Variants in ZBTB46 observed in about 807,000 individuals in gnomAD.
The protein encoded by ZBTB46 is zinc finger and BTB domain-containing protein 46.
In ZBTB46, 8 loss-of-function variants were observed where a neutral mutation model predicts 44.1. The ratio of observed to expected loss-of-function variants is 0.18; its 90% CI spans 0.11 to 0.33. The LOEUF is 0.33. ZBTB46 is among the 10% of genes least tolerant of loss of function. The pLI, the probability that ZBTB46 is intolerant of heterozygous loss-of-function variation, is 1.00. For missense variants in ZBTB46, 651 were observed against 847.7 expected, an observed-to-expected ratio of 0.77 and a Z score of 2.88; for synonymous variants, 409 against 382.3, an observed-to-expected ratio of 1.07 and a Z score of -0.81.
chr20:63,785,563 T>TA (rs1045213194), intron 2 of ZBTB46, among the ~76,000 whole-genome samples: 12 of 151,982 alleles, frequency 7.9e-5, no homozygotes, highest in African/African-American at 2.4e-4. Context: ...GTCTCAAAAA[T>TA]AAAAAAAATT....
chr20:63,752,576 G>A lies in ZBTB46; in HGVS notation c.1398+110C>T. ...GCCCTGCTGTCGTCCCCCCTGTGCA[G>A]AGTGGACCCGGTGTGGGGTCCGGGG... On this transcript the variant is annotated intron_variant, in intron 4 of 4. Coordinates refer to ENST00000245663, the MANE Select transcript of ZBTB46 (RefSeq NM_001369741.1). This position sits in a 1 kb window ranked among gnomAD's most constrained non-coding sequence, Gnocchi z 5.6. 1 of 1,311,262 alleles carries A rather than the reference G, an allele frequency of 7.6e-7. No homozygotes were observed. The allele number at this position is 1,311,262 out of a possible 1,614,324, so 81.2% of individuals were successfully genotyped here.
rs535384811 is a variant in ZBTB46, at chr20:63,808,755, G to A, written c.-33-17965C>T. Among the ~76,000 whole-genome samples the A allele has an allele frequency of 2.6e-5, 4 of 152,078 alleles. No homozygotes were observed. The South Asian group carries it at 8.3e-4, about 32-fold the overall frequency. ...TTTGGGAGGCCGAGGCGGGCGGATG[G>A]TGAGGTCAGGAGATCAAGACCATCC... On this transcript the variant is annotated intron_variant, in intron 1 of 4. Coordinates refer to ENST00000245663, the MANE Select transcript of ZBTB46 (RefSeq NM_001369741.1).
In ZBTB46 at chr20:63,785,235, A is replaced by AAAAAAAAG. The variant is rs1555846649; in HGVS notation, c.937+4585_937+4586insCTTTTTTT. 4.1e-5 allele frequency among the ~76,000 whole-genome samples: 6 copies of AAAAAAAAG among 145,082 alleles called. No individual in the cohort carries two copies. In the East Asian group the frequency reaches 1.0e-3, roughly 25 times the overall value. On this transcript the variant is annotated intron_variant, in intron 2 of 4. Coordinates refer to ENST00000245663, the MANE Select transcript of ZBTB46 (RefSeq NM_001369741.1). ...AACAGAGCGAGACTCAAAAAAAAAA[A>AAAAAAAAG]AAAAGAAAAGAAAAGAAAAAGAAAG...
intron 1 of ZBTB46, among the ~76,000 whole-genome samples, chr20:63,808,399 C>T (rs1023661505): frequency 1.3e-5 from 2 of 152,142 alleles, no homozygotes; most frequent in African/African-American, 2.4e-5. Context: ...TTCAGGGGGG[C>T]GTGGGGCGGA....
In ZBTB46 at chr20:63,746,837, G is replaced by A; in HGVS notation, c.*93C>T. ...AAGCAGAGGAGGGGCCGCGAGAGGG[G>A]TGAGCGTGGCCCTGGCCCCGCAGTG... On this transcript the variant is annotated 3_prime_UTR_variant, in exon 5 of 5. Coordinates refer to ENST00000245663, the MANE Select transcript of ZBTB46 (RefSeq NM_001369741.1). 1 of 1,413,052 alleles carries A rather than the reference G, an allele frequency of 7.1e-7. No individual in the cohort carries two copies. Among genetic ancestry groups the A allele is most frequent in the South Asian group, 1.5e-5 (1 of 64,822 alleles). 87.5% of individuals were successfully genotyped at this position (1,413,052 alleles called of 1,614,324 possible).
chr20:63,783,302 G>A (rs945674067), intron 2 of ZBTB46, among the ~76,000 whole-genome samples: 4 of 152,174 alleles, frequency 2.6e-5, no homozygotes, highest in East Asian at 3.8e-4. Flanking sequence ...GGTGGCACGT[G>A]CCTGTAGTCC....
Position 63,790,706 on chromosome 20 carries a change from G to A in ZBTB46, c.52C>T (p.Leu18=), listed in dbSNP as rs750974557. The A allele has an allele frequency of 3.1e-6, 5 of 1,611,240 alleles. No individual in the cohort carries two copies. Among genetic ancestry groups the A allele is most frequent in the Non-Finnish European group, 4.2e-6 (5 of 1,179,620 alleles). The change falls in exon 2 of 5, where the codon CTG becomes TTG. Residue 18 remains leucine, a synonymous_variant. Coordinates refer to ENST00000245663, the MANE Select transcript of ZBTB46 (RefSeq NM_001369741.1). ...MEITSHYRHL[L]RELNEQRQHG... Reference sequence around the variant, plus strand: ...TGCCTCTGCTCGTTGAGCTCCCGCAGCAGGTGCCGGTAGTGGGACGTGATT... The same window carrying A: ...TGCCTCTGCTCGTTGAGCTCCCGCAACAGGTGCCGGTAGTGGGACGTGATT...
intron 1 of ZBTB46, among the ~76,000 whole-genome samples, chr20:63,809,753 A>AC (rs2092707185): frequency 6.6e-6 from 1 of 152,158 alleles, no homozygotes; most frequent in Admixed American, 6.5e-5. Flanking sequence ...CTTGAGCCCA[A>AC]AAGTTCAAGA....
chr20:63,770,134 G>A (rs893754236), intron 3 of ZBTB46, among the ~76,000 whole-genome samples: 3 of 152,344 alleles, frequency 2.0e-5, no homozygotes, highest in South Asian at 2.1e-4. Context: ...CGGCTGATGC[G>A]GGGCTTACAG....
chr20:63,833,096 A>G (rs1023279951), upstream of ZBTB46, among the ~76,000 whole-genome samples: 1 of 152,184 alleles, frequency 6.6e-6, no homozygotes, highest in African/African-American at 2.4e-5. Context: ...GGACCTCCCT[A>G]GACAGCCTCC....
At chr20:63,764,905 C>A (rs781312776) in intron 3 of ZBTB46, among the ~76,000 whole-genome samples, 1 of 149,458 alleles carries the variant, frequency 6.7e-6, no homozygotes, top group African/African-American at 2.4e-5. Context: ...GGCCCTCTGG[C>A]TGCTTTTAAG....
intron 1 of ZBTB46, among the ~76,000 whole-genome samples, chr20:63,804,913 AC>A (rs2092672019): frequency 6.8e-6 from 1 of 147,752 alleles, no homozygotes; most frequent in East Asian, 2.0e-4. Flanking sequence ...AACAAAAAAA[AC>A]CTACATGACT....
chr20:63,799,341 G>A (rs1161183993), intron 1 of ZBTB46, among the ~76,000 whole-genome samples: 1 of 150,292 alleles, frequency 6.7e-6, no homozygotes, highest in Non-Finnish European at 1.5e-5. Flanking sequence ...CGTGTGGCCT[G>A]GTGAGACTAA....
In ZBTB46 at chr20:63,790,715, G is replaced by A. The variant is rs1180904414; in HGVS notation, c.43C>T (p.Arg15Trp). The A allele has an allele frequency of 2.5e-6, 4 of 1,610,434 alleles. No individual in the cohort carries two copies. The highest frequency in any genetic ancestry group is 3.4e-6 in the Non-Finnish European group (4 of 1,179,204). ...KEDMEITSHY[R>W]HLLRELNEQR... ...TCGTTGAGCTCCCGCAGCAGGTGCC[G>A]GTAGTGGGACGTGATTTCCATATCT... The change falls in exon 2 of 5, where the codon CGG becomes TGG. Residue 15 changes from arginine to tryptophan, a missense_variant. This residue lies in a region of ZBTB46 where 65 missense variants were observed against 167.9 expected (regional missense o/e 0.39). Transcript: ENST00000245663.
intron 2 of ZBTB46, among the ~76,000 whole-genome samples, chr20:63,779,722 G>GC: frequency 6.6e-6 from 1 of 150,730 alleles, no homozygotes; most frequent in East Asian, 2.0e-4. Context: ...GCGCCCGGCC[G>GC]CTAATTTTTG....
chr20:63,830,723 G>A (rs1318091700), intron 1 of ZBTB46, among the ~76,000 whole-genome samples: 3 of 148,710 alleles, frequency 2.0e-5, no homozygotes, highest in African/African-American at 7.3e-5. Flanking sequence ...CCTCTCGGAG[G>A]TGCCGGGGAG....
In ZBTB46 at chr20:63,787,598, G is replaced by C. The variant is rs566239091; in HGVS notation, c.937+2223C>G. The C allele has an allele frequency of 1.3e-5, 2 of 152,216 alleles. No homozygotes were observed. The highest frequency in any genetic ancestry group is 4.1e-4 in the South Asian group (2 of 4,834). 9.4% of individuals were successfully genotyped at this position (152,216 alleles called of 1,614,324 possible). A position where few individuals can be genotyped will look rare whatever the true frequency, so the allele number is the denominator to read the frequency against. ...CACCGTAACTAACACTGGCAGGTTTGTGCTGGGCCTATAACCGGCTGCACT... is the reference window on the plus strand; with the variant it reads ...CACCGTAACTAACACTGGCAGGTTTCTGCTGGGCCTATAACCGGCTGCACT... On this transcript the variant is annotated intron_variant, in intron 2 of 4. Transcript: ENST00000245663. The surrounding 1 kb of genome is among the most constrained non-coding windows in gnomAD (Gnocchi z 4.6).
intron 1 of ZBTB46, 162 bp from the exon 2 acceptor site, chr20:63,790,952 T>C: frequency 9.7e-7 from 1 of 1,036,258 alleles, no homozygotes; most frequent in East Asian, 2.7e-5. Flanking sequence ...GGCCTGTGTC[T>C]CCGCCTGAAG....
intron 3 of ZBTB46, among the ~76,000 whole-genome samples, chr20:63,773,969 C>T (rs1159265910): frequency 1.3e-5 from 2 of 150,554 alleles, no homozygotes; most frequent in African/African-American, 4.9e-5. Flanking sequence ...GAGCATAAAT[C>T]ACAAACACTC....
Sources: gnomAD v4.1 joint callset for allele counts (sites outside exome capture counted in the v4.1 genomes callset) on GRCh38, gnomAD v4.1.1 for gene constraint, gnomAD v4.1.1 regional missense constraint, Gnocchi (gnomAD v3.1) non-coding constraint, MANE v1.5 for transcripts, NCBI Gene and HGNC (gene_info 2026-07-23, HGNC 2026-07-21) for gene names.